Variants in ARB2A observed in about 807,000 individuals in gnomAD.
ARB2A encodes the protein cotranscriptional regulator ARB2A.
the ARB2A span, chr5:93,861,270 C>T: frequency 3.3e-5 from 5 of 151,496 alleles, no homozygotes; most frequent in Admixed American, 6.6e-5. Context: ...CTTCTACACC[C>T]GGTTCCATTT....
At chr5:94,049,342 C>A in the ARB2A span, among the ~76,000 whole-genome samples, 1 of 152,180 alleles carries the variant, frequency 6.6e-6, no homozygotes, top group African/African-American at 2.4e-5. Flanking sequence ...ATATTCTTCA[C>A]ACAAATAAAC....
the ARB2A span, among the ~76,000 whole-genome samples, chr5:93,703,107 G>A: frequency 6.6e-6 from 1 of 152,236 alleles, no homozygotes; most frequent in African/African-American, 2.4e-5. Context: ...CAGGGACTTT[G>A]GCCTCCTCAT....
At chr5:93,864,680 T>A in the ARB2A span, among the ~76,000 whole-genome samples, 1 of 152,214 alleles carries the variant, frequency 6.6e-6, no homozygotes, top group Non-Finnish European at 1.5e-5. Flanking sequence ...GTATATAGTC[T>A]CAAATTTTAA....
At chr5:93,804,407 T>C in the ARB2A span, among the ~76,000 whole-genome samples, 1 of 151,976 alleles carries the variant, frequency 6.6e-6, no homozygotes, top group East Asian at 1.9e-4. Flanking sequence ...CATACATACA[T>C]ACCAAATAAT....
At chr5:94,073,111 T>A in the ARB2A span, among the ~76,000 whole-genome samples, 1 of 152,132 alleles carries the variant, frequency 6.6e-6, no homozygotes, top group Non-Finnish European at 1.5e-5. Flanking sequence ...AGAGTGATCA[T>A]CATTAGTTCA....
At chr5:93,652,601 G>A in the ARB2A span, among the ~76,000 whole-genome samples, 1 of 152,082 alleles carries the variant, frequency 6.6e-6, no homozygotes, top group Non-Finnish European at 1.5e-5. Flanking sequence ...AGATTTGTTG[G>A]TAGTCAGATG....
the ARB2A span, chr5:93,805,657 T>C: frequency 1.0e-6 from 1 of 985,190 alleles, no homozygotes; most frequent in Non-Finnish European, 1.2e-6. Context: ...AAGCTGATTA[T>C]GTATAAATTT....
the ARB2A span, among the ~76,000 whole-genome samples, chr5:94,027,197 T>C: frequency 6.6e-6 from 1 of 152,204 alleles, no homozygotes; most frequent in Non-Finnish European, 1.5e-5. Context: ...ATGCCAAGCT[T>C]GGGAGCTGTG....
At chr5:93,644,203 T>C in the ARB2A span, among the ~76,000 whole-genome samples, 3 of 152,212 alleles carry the variant, frequency 2.0e-5, no homozygotes, top group African/African-American at 7.2e-5. Context: ...ATCTACAGCA[T>C]AGGGCTACTA....
chr5:93,873,314 AGAAAGGAAAGGAAAG>A, the ARB2A span, among the ~76,000 whole-genome samples: 27 of 32,886 alleles, frequency 8.2e-4, 2 homozygotes, highest in African/African-American at 2.1e-3. Context: ...GGGGGGGGAA[AGAAAGGAAAGGAAAG>A]GAAAGGAAAG....
chr5:94,064,515 T>C, the ARB2A span, among the ~76,000 whole-genome samples: 1 of 152,130 alleles, frequency 6.6e-6, no homozygotes, highest in Non-Finnish European at 1.5e-5. Context: ...TCAAATACAA[T>C]GTAAAAAGAT....
At chr5:93,983,823 C>T in the ARB2A span, among the ~76,000 whole-genome samples, 2 of 152,024 alleles carry the variant, frequency 1.3e-5, no homozygotes, top group Admixed American at 6.5e-5. Context: ...TAACCTGAAT[C>T]GAATCATGAG....
chr5:93,827,281 C>T, the ARB2A span, among the ~76,000 whole-genome samples: 19 of 152,240 alleles, frequency 1.2e-4, no homozygotes, highest in Middle Eastern at 3.4e-3. Context: ...TTTTAATGAT[C>T]ACCATTTTAA....
At chr5:93,830,904 G>A in the ARB2A span, among the ~76,000 whole-genome samples, 2 of 152,126 alleles carry the variant, frequency 1.3e-5, no homozygotes, top group African/African-American at 2.4e-5. Context: ...CTCTGAGCTT[G>A]TTTTCCTGCA....
the ARB2A span, chr5:94,074,722 C>A: frequency 2.5e-6 from 4 of 1,612,312 alleles, no homozygotes; most frequent in African/African-American, 2.7e-5. Flanking sequence ...AAATTGGCAA[C>A]AAAATTAAAG....
At chr5:93,977,153 A>G in the ARB2A span, among the ~76,000 whole-genome samples, 1 of 152,206 alleles carries the variant, frequency 6.6e-6, no homozygotes, top group African/African-American at 2.4e-5. Context: ...AGGAATCAAT[A>G]TCATTAAAAT....
chr5:93,709,953 T>C, the ARB2A span, among the ~76,000 whole-genome samples: 2 of 152,222 alleles, frequency 1.3e-5, no homozygotes, highest in African/African-American at 2.4e-5. Flanking sequence ...AGTTAATGCA[T>C]ATAAGTGCTT....
chr5:93,753,655 T>A, the ARB2A span, among the ~76,000 whole-genome samples: 1 of 152,226 alleles, frequency 6.6e-6, no homozygotes, highest in Non-Finnish European at 1.5e-5. Context: ...TTCTTCTTTT[T>A]AAAATACATT....
At chr5:93,969,090 A>G in the ARB2A span, among the ~76,000 whole-genome samples, 1 of 151,230 alleles carries the variant, frequency 6.6e-6, no homozygotes, top group African/African-American at 2.4e-5. Flanking sequence ...GAGAAAATGA[A>G]AATTACAGAG....
Sources: gnomAD v4.1 joint callset for allele counts (sites outside exome capture counted in the v4.1 genomes callset) on GRCh38, gnomAD v4.1.1 for gene constraint, MANE v1.5 for transcripts, NCBI Gene and HGNC (gene_info 2026-07-23, HGNC 2026-07-21) for gene names.